KATNIP: variants seen among roughly 807,000 people sequenced by gnomAD.
KATNIP encodes katanin interacting protein.
A neutral mutation model predicts 174.0 loss-of-function variants in KATNIP; 126 were observed. The observed-to-expected ratio is 0.72, with a 90% CI of 0.63 to 0.84. The LOEUF (loss-of-function observed/expected upper bound fraction) is 0.84, where lower values mean the gene tolerates loss of function less well. Ranked by LOEUF, KATNIP falls within the 40% of genes least tolerant of loss-of-function variation. The pLI is 0.00. For missense variants in KATNIP, 1,958 were observed against 2,109.7 expected (o/e 0.93, Z 1.41); for synonymous variants, 810 against 835.7 (o/e 0.97, Z 0.53).
intron 15 of KATNIP, 41 bp from the exon 16 acceptor site, chr16:27,749,543 C>T (rs1488809051): frequency 2.0e-6 from 3 of 1,512,260 alleles, no homozygotes; most frequent in Admixed American, 2.3e-5. Context: ...TCCACACATG[C>T]CACTCACAGG....
intron 13 of KATNIP, among the ~76,000 whole-genome samples, chr16:27,720,493 G>A (rs117792636): frequency 1.3e-4 from 10 of 78,262 alleles, no homozygotes; most frequent in Non-Finnish European, 7.0e-5. Flanking sequence ...AAAGGGTTTT[G>A]TTCTTTTTTT....
chr16:27,554,688 C>A (rs1419530449), intron 1 of KATNIP, among the ~76,000 whole-genome samples: 4 of 151,896 alleles, frequency 2.6e-5, no homozygotes, highest in Non-Finnish European at 5.9e-5. Context: ...AGATTGGCCC[C>A]CAAAAGGAAA....
intron 5 of KATNIP, among the ~76,000 whole-genome samples, chr16:27,642,918 A>T (rs1012003773): frequency 3.9e-5 from 6 of 152,092 alleles, no homozygotes; most frequent in Non-Finnish European, 7.4e-5. Flanking sequence ...CAGGTGGGAC[A>T]CATTTATTCT....
In KATNIP at chr16:27,677,850, C is replaced by T. The variant is rs1348124257; in HGVS notation, c.662C>T (p.Ala221Val). ...TCTGAGCCTGAGCCAGAGGACCCGG[C>T]ACTGGTGGGCCATCCCAGACATGAC... is the stretch of plus-strand genomic sequence containing the variant. Reference protein sequence around the residue: ...ILSEPEPEDPALVGHPRHDRP... With the variant: ...ILSEPEPEDPVLVGHPRHDRP... The change falls in exon 7 of 28, where the codon GCA becomes GTA. Residue 221 changes from alanine to valine, a missense_variant. Ala to Val is a moderately conservative substitution (Grantham distance 64). Around this residue, in one of 3 missense-constraint regions of KATNIP, gnomAD observed 1,557 missense variants for 1,617.8 expected, o/e 0.96. Transcript: ENST00000261588. The T allele has an allele frequency of 6.2e-7, 1 of 1,614,228 alleles. No homozygotes were observed. Among genetic ancestry groups the T allele is most frequent in the East Asian group, 2.2e-5 (1 of 44,880 alleles).
intron 17 of KATNIP, among the ~76,000 whole-genome samples, chr16:27,752,262 T>G (rs2081550546): frequency 6.6e-6 from 1 of 152,136 alleles, no homozygotes; most frequent in African/African-American, 2.4e-5. Flanking sequence ...CACTGTTGTT[T>G]TTGATGGAAG....
intron 15 of KATNIP, among the ~76,000 whole-genome samples, chr16:27,748,693 A>G (rs2081380404): frequency 6.6e-6 from 1 of 151,976 alleles, no homozygotes; most frequent in Non-Finnish European, 1.5e-5. Flanking sequence ...CTGAAGCGGG[A>G]GGATCGCTTG....
intron 1 of KATNIP, among the ~76,000 whole-genome samples, chr16:27,553,639 A>G (rs1204643705): frequency 2.0e-5 from 3 of 152,070 alleles, no homozygotes; most frequent in African/African-American, 7.2e-5. Flanking sequence ...ACATAGTGAG[A>G]CTCCATCTCT....
At chr16:27,734,379 C>T (rs2080819675) in intron 14 of KATNIP, among the ~76,000 whole-genome samples, 1 of 147,380 alleles carries the variant, frequency 6.8e-6, no homozygotes. Flanking sequence ...CTGCGCCTGG[C>T]CCATAGGGAC....
chr16:27,676,109 A>G (rs9929450), intron 6 of KATNIP, among the ~76,000 whole-genome samples: 32,306 of 152,080 alleles, frequency 0.21, 4,113 homozygotes, highest in African/African-American at 0.37. Context: ...TTCCTTAACA[A>G]TTCTTCCCTC....
Position 27,750,275 on chromosome 16 carries a change from A to C in KATNIP, c.3315A>C (p.Glu1105Asp), listed in dbSNP as rs777385065. The C allele has an allele frequency of 6.2e-7, 1 of 1,613,604 alleles. No homozygotes were observed. The highest frequency in any genetic ancestry group is 8.5e-7 in the Non-Finnish European group (1 of 1,179,608). ...ACACCCAGTGCATCTTTGAAGGAGA[A>C]ATCGCCAAGGCCTCTGGAACCCTGG... ...LLDTQCIFEG[E>D]IAKASGTLAG... Residue 1105 changes from glutamate to aspartate, a missense_variant, in exon 16 of 28, where the codon GAA becomes GAC. Coordinates refer to ENST00000261588, the MANE Select transcript of KATNIP (RefSeq NM_015202.5).
chr16:27,620,225 C>T (rs1370096431), intron 3 of KATNIP, among the ~76,000 whole-genome samples: 1 of 152,304 alleles, frequency 6.6e-6, no homozygotes, highest in South Asian at 2.1e-4. Flanking sequence ...ATGGAGCTGT[C>T]GTGATGACAG....
intron 13 of KATNIP, among the ~76,000 whole-genome samples, chr16:27,713,592 A>G (rs2079685524): frequency 6.7e-6 from 1 of 149,742 alleles, no homozygotes; most frequent in South Asian, 2.1e-4. Context: ...AAAATTAATT[A>G]AAAAATATTA....
chr16:27,654,635 C>T (rs777594107), intron 6 of KATNIP: 2 of 1,352,024 alleles, frequency 1.5e-6, no homozygotes, highest in South Asian at 1.1e-5. Context: ...CAGTACCAAG[C>T]CCTGTGGTTT....
chr16:27,756,482 C>G (rs118025158), intron 18 of KATNIP, among the ~76,000 whole-genome samples: 4,117 of 152,326 alleles, frequency 0.027, 75 homozygotes, highest in Non-Finnish European at 0.043. Context: ...CCTAAGGTCA[C>G]ACGGCCAGTA....
At chr16:27,614,840 G>A (rs1436694582) in intron 2 of KATNIP, among the ~76,000 whole-genome samples, 2 of 152,178 alleles carry the variant, frequency 1.3e-5, no homozygotes, top group African/African-American at 4.8e-5. Context: ...GGAAGCAGAT[G>A]GCAACAATCT....
rs143686832 is a variant in KATNIP at position 27,777,727 on chromosome 16, G to A, written c.4669G>A (p.Glu1557Lys). The stretch of plus-strand genomic sequence containing the variant: ...GCCCTACCACACCATCCTCTTCACC[G>A]AGGACAGGGACATCCGCCACCAGGA... ...TVPYHTILFTEDRDIRHQEKH... is the reference protein window; with the variant it reads ...TVPYHTILFTKDRDIRHQEKH... Residue 1557 changes from glutamate to lysine, a missense_variant, in exon 26 of 28, where the codon GAG (glutamate) becomes AAG (lysine). Glu to Lys is a moderately conservative substitution (Grantham distance 56). This residue lies in a region of KATNIP where 383 missense variants were observed against 456.0 expected (regional missense o/e 0.84). Coordinates refer to ENST00000261588, the MANE Select transcript of KATNIP (RefSeq NM_015202.5). This position sits in a 1 kb window ranked among gnomAD's most constrained non-coding sequence, Gnocchi z 4.4. The A allele has an allele frequency of 3.0e-5, 48 of 1,614,076 alleles. No individual in the cohort carries two copies. Among genetic ancestry groups the A allele is most frequent in the East Asian group, 2.9e-4 (13 of 44,872 alleles).
chr16:27,666,384 G>A (rs1451511405), intron 6 of KATNIP, among the ~76,000 whole-genome samples: 1 of 150,444 alleles, frequency 6.6e-6, no homozygotes, highest in East Asian at 2.0e-4. Flanking sequence ...TTGATGTAGG[G>A]GAATGAGTTT....
intron 13 of KATNIP, among the ~76,000 whole-genome samples, chr16:27,713,444 A>G (rs1039518807): frequency 5.3e-5 from 8 of 151,892 alleles, no homozygotes; most frequent in African/African-American, 1.7e-4. Flanking sequence ...TAATTGAATC[A>G]TGGGGACAGT....
chr16:27,726,701 G>C (rs572362057), intron 14 of KATNIP, among the ~76,000 whole-genome samples: 1 of 152,234 alleles, frequency 6.6e-6, no homozygotes, highest in Non-Finnish European at 1.5e-5. Flanking sequence ...GGAGGAGGAG[G>C]CTGGGCTGCT....
Sources: gnomAD v4.1 joint callset for allele counts (sites outside exome capture counted in the v4.1 genomes callset) on GRCh38, gnomAD v4.1.1 for gene constraint, gnomAD v4.1.1 regional missense constraint, Gnocchi (gnomAD v3.1) non-coding constraint, MANE v1.5 for transcripts, NCBI Gene and HGNC (gene_info 2026-07-23, HGNC 2026-07-21) for gene names.